The following COL15A1 variants were observed in gnomAD, a reference collection of about 807,000 sequenced individuals.
COL15A1 encodes collagen type XV alpha 1 chain.
A neutral mutation model predicts 165.9 loss-of-function variants in COL15A1; 111 were observed. That is an observed-to-expected ratio of 0.67 (90% CI 0.57 to 0.78). The LOEUF (loss-of-function observed/expected upper bound fraction) is 0.78. Among genes scored for constraint, COL15A1 ranks in the 30% least tolerant of loss-of-function variants. COL15A1 has a pLI of 0.00. For missense variants in COL15A1, 1,745 were observed against 1,789.7 expected, an observed-to-expected ratio of 0.98 and a Z score of 0.45; for synonymous variants, 659 against 674.8, an observed-to-expected ratio of 0.98 and a Z score of 0.36.
Position 99,000,909 on chromosome 9 carries a change from C to A in COL15A1, c.1023C>A (p.Ser341Arg), listed in dbSNP as rs778982631. 3 of 1,600,524 alleles carry A rather than the reference C, an allele frequency of 1.9e-6. No homozygotes were observed. The South Asian group carries it at 3.3e-5, about 18-fold the overall frequency. ...TGGATGGTGACCCCATTACTGACAG[C>A]GGCTCAGGGGCTGGGGCCTTCCTTG... Reference protein sequence around the residue: ...HSVDGDPITDSGSGAGAFLDI... With the variant: ...HSVDGDPITDRGSGAGAFLDI... Residue 341 changes from serine to arginine, a missense_variant, in exon 7 of 42, where the codon AGC becomes AGA. Coordinates refer to ENST00000375001, the MANE Select transcript of COL15A1 (RefSeq NM_001855.5).
chr9:99,016,117 C>G lies in COL15A1; in HGVS notation c.1645C>G (p.Pro549Ala), dbSNP rs1488023191. Residue 549 changes from proline (P) to alanine (A), a missense_variant and splice_region_variant, in exon 11 of 42, where the codon CCA (proline) becomes GCA (alanine). Coordinates refer to ENST00000375001, the MANE Select transcript of COL15A1 (RefSeq NM_001855.5). Reference sequence around the variant, plus strand: ...AGTGGCTCCTGAAAGATGGATCACTCCAGTAAGTGGCATAGAGCTGTAAGA... The same window carrying G: ...AGTGGCTCCTGAAAGATGGATCACTGCAGTAAGTGGCATAGAGCTGTAAGA... ...PTVAPERWITPAQREHVGMKG... is the reference protein window; with the variant it reads ...PTVAPERWITAAQREHVGMKG... The G allele has an allele frequency of 6.2e-7, 1 of 1,608,696 alleles. No homozygotes were observed. Among genetic ancestry groups the G allele is most frequent in the Admixed American group, 1.7e-5 (1 of 59,294 alleles).
chr9:98,990,407 T>A (rs1420491120), intron 5 of COL15A1, among the ~76,000 whole-genome samples: 1 of 152,110 alleles, frequency 6.6e-6, no homozygotes, highest in Admixed American at 6.5e-5. Flanking sequence ...AAGTCAAGGG[T>A]CCAAGTTGCC....
At chr9:99,042,179 T>G in intron 24 of COL15A1, 72 bp downstream of exon 24, 1 of 1,064,798 alleles carries the variant, frequency 9.4e-7, no homozygotes, top group Non-Finnish European at 1.4e-6. Context: ...TGGCTGAAAA[T>G]AGCTATTAAC....
In COL15A1 at chr9:99,059,941, A is replaced by G. The variant is rs1026993975; in HGVS notation, c.3390A>G (p.Gly1130=). 1.9e-6 allele frequency: 3 copies of G among 1,613,960 alleles called. No homozygotes were observed. Among genetic ancestry groups the G allele is most frequent in the African/African-American group, 2.7e-5 (2 of 75,012 alleles). Residue 1130 remains glycine (G), a synonymous_variant, in exon 36 of 42, where the codon GGA becomes GGG. Coordinates refer to ENST00000375001, the MANE Select transcript of COL15A1 (RefSeq NM_001855.5). ...PGPPGQPGLP[G]SRNLVTAFSN... is the part of the protein sequence containing the mutation. Reference sequence around the variant, plus strand: ...CTCCAGGACAGCCAGGGCTTCCCGGATCCAGAAACCTGGTCAGTATTATCA... The same window carrying G: ...CTCCAGGACAGCCAGGGCTTCCCGGGTCCAGAAACCTGGTCAGTATTATCA...
At chr9:99,061,879 C>A in intron 36 of COL15A1, 92 bp from the exon 37 acceptor site, 2 of 1,395,208 alleles carry the variant, frequency 1.4e-6, no homozygotes, top group Non-Finnish European at 2.0e-6. Flanking sequence ...CTGGGGACGG[C>A]TCCTAGTTGA....
chr9:98,945,856 G>A (rs1367929612), intron 2 of COL15A1, among the ~76,000 whole-genome samples: 2 of 152,158 alleles, frequency 1.3e-5, no homozygotes, highest in African/African-American at 2.4e-5. Flanking sequence ...ATGGATCTGG[G>A]GATAGGAACT....
At position 98,985,993 on chromosome 9, in the gene COL15A1, G is replaced by C; in HGVS notation, c.529G>C (p.Val177Leu). The C allele has an allele frequency of 6.2e-7, 1 of 1,614,102 alleles. No individual in the cohort carries two copies. The highest frequency in any genetic ancestry group is 2.2e-5 in the East Asian group (1 of 44,886). Reference sequence around the variant, plus strand: ...CCAGGGTGAGGAAGTGACCCTCCTCGTGAACTGTGAGGAGCACAGCCGCAT... The same window carrying C: ...CCAGGGTGAGGAAGTGACCCTCCTCCTGAACTGTGAGGAGCACAGCCGCAT... The part of the protein sequence containing the change: ...IVQGEEVTLL[V>L]NCEEHSRIPF... The change falls in exon 3 of 42, where the codon GTG (valine) becomes CTG (leucine). Residue 177 changes from valine (V) to leucine (L), a missense_variant. Coordinates refer to ENST00000375001, the MANE Select transcript of COL15A1 (RefSeq NM_001855.5).
chr9:99,066,167 C>G (rs1358630618), intron 39 of COL15A1, among the ~76,000 whole-genome samples: 1 of 139,742 alleles, frequency 7.2e-6, no homozygotes, highest in Non-Finnish European at 1.5e-5. Flanking sequence ...GGAATGCATT[C>G]CAGAGGGTGT....
intron 2 of COL15A1, among the ~76,000 whole-genome samples, chr9:98,984,592 C>T (rs534615427): frequency 3.3e-5 from 5 of 152,134 alleles, no homozygotes; most frequent in Admixed American, 2.0e-4. Flanking sequence ...GTATGCAGAG[C>T]GCTTAGAGCA....
At chr9:99,014,007 A>G (rs1367776747) in intron 9 of COL15A1, among the ~76,000 whole-genome samples, 1 of 152,196 alleles carries the variant, frequency 6.6e-6, no homozygotes, top group East Asian at 1.9e-4. Context: ...GCTGTGAGAA[A>G]TTTTAGCCAA....
chr9:99,033,469 A>C (rs547712403), intron 16 of COL15A1, among the ~76,000 whole-genome samples: 2 of 152,326 alleles, frequency 1.3e-5, no homozygotes, highest in African/African-American at 4.8e-5. Context: ...TCTGGGGCCC[A>C]GGGGCCACAT....
In COL15A1 at chr9:99,070,360, G is replaced by C. The variant is rs1048630910; in HGVS notation, c.*474G>C. The C allele has an allele frequency of 8.6e-6, 2 of 233,014 alleles. No homozygotes were observed. The highest frequency in any genetic ancestry group is 9.1e-5 in the South Asian group (2 of 21,980). The allele number at this position is 233,014 out of a possible 1,614,324, so 14.4% of individuals were successfully genotyped here. ...CATCCATCATTTGCAACTGCTGTTC[G>C]TACACAGAAACAGGACTGCTCAAAT... On this transcript the variant is annotated 3_prime_UTR_variant, in exon 42 of 42. Coordinates refer to ENST00000375001, the MANE Select transcript of COL15A1 (RefSeq NM_001855.5).
intron 9 of COL15A1, among the ~76,000 whole-genome samples, chr9:99,010,301 A>G (rs1007416853): frequency 3.3e-5 from 5 of 152,248 alleles, no homozygotes; most frequent in Non-Finnish European, 7.3e-5. Flanking sequence ...TCTGGGCACC[A>G]CTATGTAACC....
chr9:98,976,180 TATG>T lies in COL15A1; in HGVS notation c.101-9382_101-9380del, dbSNP rs1265987968. On this transcript the variant is annotated intron_variant, in intron 2 of 41. Transcript: ENST00000375001. ...AGGCACAATGTGGGAGCTTTAGAAA[TATG>T]ATCAAATTCATGAATTGGAAAAGTA... 2.0e-5 allele frequency among the ~76,000 whole-genome samples: 3 copies of T among 152,208 alleles called. No homozygotes were observed. The East Asian group carries it at 5.8e-4, about 29-fold the overall frequency.
chr9:99,019,552 T>C (rs2119001608), intron 11 of COL15A1, among the ~76,000 whole-genome samples: 1 of 151,734 alleles, frequency 6.6e-6, no homozygotes, highest in East Asian at 2.0e-4. Context: ...AGGATCAGTA[T>C]TGGCAGATAT....
At chr9:99,009,106 T>C (rs528541972) in intron 9 of COL15A1, among the ~76,000 whole-genome samples, 25 of 152,370 alleles carry the variant, frequency 1.6e-4, no homozygotes, top group African/African-American at 5.5e-4. Flanking sequence ...TGGAAGTTTT[T>C]TCTCTATTCT....
Position 99,052,408 on chromosome 9 carries a change from G to A in COL15A1, c.2925G>A (p.Gly975=). 1 of 1,612,530 alleles carries A rather than the reference G, an allele frequency of 6.2e-7. No individual in the cohort carries two copies. The highest frequency in any genetic ancestry group is 2.2e-5 in the East Asian group (1 of 44,866). ...TCCAGGTTGATACTGCTCATCCTGG[G>A]AGTCCAGAGCTCATCACTTTTCACG... ...CKMPVDTAHP[G]SPELITFHGV... is the part of the protein sequence containing the mutation. The change falls in exon 31 of 42, where the codon GGG becomes GGA. Residue 975 remains glycine, a synonymous_variant. Transcript: ENST00000375001.
At chr9:99,058,053 C>A (rs749999907) in intron 35 of COL15A1, among the ~76,000 whole-genome samples, 1 of 152,162 alleles carries the variant, frequency 6.6e-6, no homozygotes, top group Non-Finnish European at 1.5e-5. Flanking sequence ...GGACTCAACC[C>A]CTGCAAGGAT....
At chr9:99,068,723 C>A in intron 41 of COL15A1, 53 bp downstream of exon 41, 1 of 1,064,516 alleles carries the variant, frequency 9.4e-7, no homozygotes. Flanking sequence ...TTTTAGGGGG[C>A]ATCCTAACAA....
Sources: allele counts gnomAD v4.1 joint callset (sites outside exome capture counted in the v4.1 genomes callset), GRCh38; gene constraint gnomAD v4.1.1; transcripts MANE v1.5; gene names NCBI Gene and HGNC (gene_info 2026-07-23, HGNC 2026-07-21).